SLC9A9: variants seen among roughly 807,000 people sequenced by gnomAD.
The protein encoded by SLC9A9 is solute carrier family 9 member A9.
Under a neutral mutation model 77.8 loss-of-function variants are expected in SLC9A9, and 62 were observed. That is an observed-to-expected ratio of 0.80 (90% CI 0.65 to 0.98). SLC9A9 has a LOEUF of 0.98. Among genes scored for constraint, SLC9A9 ranks in the 50% least tolerant of loss-of-function variants. SLC9A9 has a pLI of 0.00. For synonymous variants in SLC9A9, 320 were observed against 283.5 expected (o/e 1.13, Z -1.29); for missense variants, 775 against 774.9 (o/e 1.00, Z 0.00).
At chr3:143,673,401 A>G (rs1303005583) in intron 5 of SLC9A9, among the ~76,000 whole-genome samples, 1 of 152,166 alleles carries the variant, frequency 6.6e-6, no homozygotes, top group South Asian at 2.1e-4. Flanking sequence ...ATTACCTGCA[A>G]TAAGGTATAG....
At chr3:143,834,679 A>G (rs1465595119) in intron 1 of SLC9A9, among the ~76,000 whole-genome samples, 4 of 150,728 alleles carry the variant, frequency 2.7e-5, no homozygotes, top group Admixed American at 6.7e-5. Flanking sequence ...CTTTGTCATA[A>G]TAGTGATGGC....
intron 14 of SLC9A9, among the ~76,000 whole-genome samples, chr3:143,348,343 AT>A (rs1004428747): frequency 6.6e-6 from 1 of 152,086 alleles, no homozygotes; most frequent in African/African-American, 2.4e-5. Flanking sequence ...TATTCCATTT[AT>A]TTCTTTCATT....
In SLC9A9 at chr3:143,334,610, A is replaced by G. The variant is rs79319984; in HGVS notation, c.1604+28874T>C. Among the ~76,000 whole-genome samples the G allele has an allele frequency of 6.8e-3, 1,034 of 152,350 alleles. 7 individuals are homozygous for G. Among genetic ancestry groups the G allele is most frequent in the African/African-American group, 0.024 (988 of 41,592 alleles). Reference sequence around the variant, plus strand: ...CTTACCTCATAATGTTATTGTGTGTATTAAATGAAATCATGCATGTAAGGT... The same window carrying G: ...CTTACCTCATAATGTTATTGTGTGTGTTAAATGAAATCATGCATGTAAGGT... On this transcript the variant is annotated intron_variant, in intron 14 of 15. Transcript: ENST00000316549.
intron 5 of SLC9A9, among the ~76,000 whole-genome samples, chr3:143,689,474 C>T (rs1166538005): frequency 6.6e-6 from 1 of 152,176 alleles, no homozygotes; most frequent in East Asian, 1.9e-4. Context: ...TCACAGTTCA[C>T]TGCAGCCTCA....
intron 4 of SLC9A9, among the ~76,000 whole-genome samples, chr3:143,763,436 C>A (rs943341703): frequency 6.6e-6 from 1 of 152,158 alleles, no homozygotes; most frequent in Non-Finnish European, 1.5e-5. Flanking sequence ...ATAAACAAAT[C>A]AGTTCAAATA....
intron 12 of SLC9A9, among the ~76,000 whole-genome samples, chr3:143,430,190 G>A (rs1401574862): frequency 6.6e-6 from 1 of 152,130 alleles, no homozygotes; most frequent in Non-Finnish European, 1.5e-5. Context: ...AGAGAGATAG[G>A]CACCTGGGAT....
chr3:143,752,096 G>T (rs1374187002), intron 4 of SLC9A9, among the ~76,000 whole-genome samples: 1 of 152,178 alleles, frequency 6.6e-6, no homozygotes, highest in Non-Finnish European at 1.5e-5. Flanking sequence ...ACTTCAAAGT[G>T]ATGTTGAGAG....
At chr3:143,708,431 G>A (rs1026649602) in intron 4 of SLC9A9, among the ~76,000 whole-genome samples, 3 of 152,074 alleles carry the variant, frequency 2.0e-5, no homozygotes, top group Non-Finnish European at 4.4e-5. Context: ...CCACCATCCT[G>A]GGATGTGTGA....
intron 12 of SLC9A9, among the ~76,000 whole-genome samples, chr3:143,427,469 A>T (rs1471233567): frequency 6.6e-6 from 1 of 152,246 alleles, no homozygotes; most frequent in African/African-American, 2.4e-5. Context: ...ATTAGCAAGT[A>T]ATCTACTTCT....
In SLC9A9 at chr3:143,297,361, C is replaced by T. The variant is rs375981113; in HGVS notation, c.1605-28381G>A. Among the ~76,000 whole-genome samples, 10 of 152,244 alleles carry T rather than the reference C, an allele frequency of 6.6e-5. No homozygotes were observed. The East Asian group carries it at 7.7e-4, about 12-fold the overall frequency. On this transcript the variant is annotated intron_variant, in intron 14 of 15. Coordinates refer to ENST00000316549, the MANE Select transcript of SLC9A9 (RefSeq NM_173653.4). ...TCTTGTGTGAAAACATATAGGCCAA[C>T]GGAGCAGAAGCTCTCTATTTTGGTC...
chr3:143,597,294 C>T (rs986549670), intron 6 of SLC9A9, among the ~76,000 whole-genome samples: 2 of 152,100 alleles, frequency 1.3e-5, no homozygotes, highest in African/African-American at 4.8e-5. Context: ...TTGGGGGGCT[C>T]GGCTCGGCTC....
At chr3:143,704,694 T>TG (rs1375221909) in intron 4 of SLC9A9, among the ~76,000 whole-genome samples, 1 of 106,470 alleles carries the variant, frequency 9.4e-6, no homozygotes, top group African/African-American at 3.5e-5. Flanking sequence ...AACAGACAAA[T>TG]GGATTAAAAA....
intron 12 of SLC9A9, among the ~76,000 whole-genome samples, chr3:143,445,090 C>G (rs987388488): frequency 1.3e-5 from 2 of 152,148 alleles, no homozygotes; most frequent in Admixed American, 1.3e-4. Context: ...TCCACAGAGG[C>G]TCTCTCCATT....
chr3:143,573,778 A>G (rs943014677), intron 8 of SLC9A9, among the ~76,000 whole-genome samples: 1 of 152,160 alleles, frequency 6.6e-6, no homozygotes, highest in African/African-American at 2.4e-5. Flanking sequence ...CACACTCTCA[A>G]TGAAGACTTC....
chr3:143,817,439 C>T (rs971766189), intron 2 of SLC9A9, among the ~76,000 whole-genome samples: 13 of 152,066 alleles, frequency 8.5e-5, no homozygotes, highest in Non-Finnish European at 1.3e-4. Context: ...TGAGCCACCG[C>T]GCCCGGCCAA....
chr3:143,806,294 C>T (rs1011816379), intron 2 of SLC9A9, among the ~76,000 whole-genome samples: 1 of 152,154 alleles, frequency 6.6e-6, no homozygotes, highest in African/African-American at 2.4e-5. Flanking sequence ...CCCGATTTGC[C>T]ATTCCAAACC....
intron 14 of SLC9A9, among the ~76,000 whole-genome samples, chr3:143,337,818 C>T (rs1186432994): frequency 1.3e-5 from 2 of 152,160 alleles, no homozygotes; most frequent in Non-Finnish European, 2.9e-5. Context: ...GGCCTTGTGC[C>T]CAGATCCCTT....
intron 4 of SLC9A9, among the ~76,000 whole-genome samples, chr3:143,704,699 T>TTA (rs199542959): frequency 1.6e-4 from 24 of 150,442 alleles, no homozygotes; most frequent in Middle Eastern, 3.4e-3. Flanking sequence ...ACAAATGGAT[T>TTA]AAAAAAAATG....
intron 12 of SLC9A9, among the ~76,000 whole-genome samples, chr3:143,391,811 C>A (rs1299768691): frequency 6.6e-6 from 1 of 152,146 alleles, no homozygotes; most frequent in Non-Finnish European, 1.5e-5. Context: ...AATGCACAAG[C>A]TTCAGTAGCC....
Sources: allele counts gnomAD v4.1 joint callset (sites outside exome capture counted in the v4.1 genomes callset), GRCh38; gene constraint gnomAD v4.1.1; transcripts MANE v1.5; gene names NCBI Gene and HGNC (gene_info 2026-07-23, HGNC 2026-07-21).